ALG14: variants seen among roughly 807,000 people sequenced by gnomAD.
ALG14 encodes the protein UDP-N-acetylglucosamine transferase subunit ALG14.
ALG14 carries 17 observed loss-of-function variants against 22.8 expected under a neutral mutation model. That is an observed-to-expected ratio of 0.75 (90% confidence interval 0.51 to 1.12). The LOEUF (loss-of-function observed/expected upper bound fraction) is 1.12, where lower values mean the gene tolerates loss of function less well. Ranked by LOEUF, ALG14 falls within the 50% of genes most tolerant of loss-of-function variation. The pLI, the probability that ALG14 is intolerant of heterozygous loss-of-function variation, is 0.00. For synonymous variants in ALG14, 89 were observed against 103.7 expected (o/e 0.86, Z 0.86); for missense variants, 288 against 271.8 (o/e 1.06, Z -0.42).
chr1:94,989,526 C>A (rs965013732), intron 3 of ALG14, among the ~76,000 whole-genome samples: 1 of 152,104 alleles, frequency 6.6e-6, no homozygotes, highest in Admixed American at 6.5e-5. Context: ...TAGATCTGAC[C>A]AGGAGCTAGT....
chr1:94,984,373 A>C (rs1309517332), intron 3 of ALG14, among the ~76,000 whole-genome samples: 1 of 152,188 alleles, frequency 6.6e-6, no homozygotes, highest in Non-Finnish European at 1.5e-5. Flanking sequence ...CAGCATTTCA[A>C]GGACTCTCCC....
intron 3 of ALG14, among the ~76,000 whole-genome samples, chr1:94,985,322 G>A (rs1358896910): frequency 6.6e-6 from 1 of 152,174 alleles, no homozygotes; most frequent in Admixed American, 6.5e-5. Context: ...GGATATTTTA[G>A]TTATGGGGGC....
rs1304442833 is a variant in ALG14, at chr1:94,979,261, C to T, written c.*3815G>A. On this transcript the variant is annotated 3_prime_UTR_variant, in exon 4 of 4. Coordinates refer to ENST00000370205, the MANE Select transcript of ALG14 (RefSeq NM_144988.4). The stretch of plus-strand genomic sequence containing the variant: ...AAGGTGAGATTGCACCACTGCACTC[C>T]AGCCTGGGCGATGGAGCGAGACTGT... The T allele has an allele frequency of 7.4e-6, 1 of 135,674 alleles. No individual in the cohort carries two copies. The highest frequency in any genetic ancestry group is 1.5e-5 in the Non-Finnish European group (1 of 65,862). The allele number at this position is 135,674 out of a possible 1,614,324, so 8.4% of individuals were successfully genotyped here.
At chr1:94,995,439 G>C (rs12037458) in intron 3 of ALG14, among the ~76,000 whole-genome samples, 1 of 152,216 alleles carries the variant, frequency 6.6e-6, no homozygotes, top group Non-Finnish European at 1.5e-5. Context: ...TGGGCAAGGC[G>C]CAGTGGCTCA....
intron 2 of ALG14, among the ~76,000 whole-genome samples, chr1:95,061,068 C>T (rs1050134329): frequency 3.9e-5 from 6 of 152,208 alleles, no homozygotes; most frequent in African/African-American, 1.4e-4. Context: ...GAAGGCCAAG[C>T]ATTGCTGGCC....
chr1:95,027,324 C>T, intron 2 of ALG14, 64 bp from the exon 3 acceptor site: 1 of 1,549,960 alleles, frequency 6.5e-7, no homozygotes, highest in Non-Finnish European at 8.9e-7. Flanking sequence ...AACATAGTAA[C>T]AATTAACAGC....
intron 1 of ALG14, among the ~76,000 whole-genome samples, chr1:95,068,610 A>G (rs758673976): frequency 6.6e-6 from 1 of 152,188 alleles, no homozygotes; most frequent in African/African-American, 2.4e-5. Flanking sequence ...ATTTTATGAT[A>G]TCTAAAGAGT....
rs199689080 is a variant in ALG14 at position 95,027,223 on chromosome 1, C to A, written c.326G>T (p.Arg109Leu). The change falls in exon 3 of 4, where the codon CGG becomes CTG. Residue 109 changes from arginine (R) to leucine (L), a missense_variant. By Grantham distance (102) the Arg-to-Leu change is moderately radical. Transcript: ENST00000370205. Reference protein sequence around the residue: ...KYYIHRIPRSREVQQSWPSTV... With the variant: ...KYYIHRIPRSLEVQQSWPSTV... ...GGAGGGCCAGGACTGCTGAACCTCC[C>A]GGCTTCTTGGAATTCGGTGAATGTA... 1.2e-6 allele frequency: 2 copies of A among 1,614,100 alleles called. No homozygotes were observed. The highest frequency in any genetic ancestry group is 8.5e-7 in the Non-Finnish European group (1 of 1,179,994).
chr1:95,000,184 G>T (rs984054821), intron 3 of ALG14, among the ~76,000 whole-genome samples: 9 of 152,106 alleles, frequency 5.9e-5, no homozygotes, highest in Admixed American at 3.9e-4. Context: ...TACGGTAATA[G>T]AGAAGCTGCA....
Position 94,981,724 on chromosome 1 carries a change from T to G in ALG14, c.*1352A>C, listed in dbSNP as rs574580939. ...GCTGCTTTGTTAAAGAAGCAGAGGT[T>G]AGAGGGAAGGAAATGGAATTCCTGT... On this transcript the variant is annotated 3_prime_UTR_variant, in exon 4 of 4. Transcript: ENST00000370205. 7 of 150,770 alleles carry G rather than the reference T, an allele frequency of 4.6e-5. No individual in the cohort carries two copies. The highest frequency in any genetic ancestry group is 1.7e-4 in the African/African-American group (7 of 41,042). The allele number at this position is 150,770 out of a possible 1,614,324, so 9.3% of individuals were successfully genotyped here. A position where few individuals can be genotyped will look rare whatever the true frequency, so the allele number is the denominator to read the frequency against.
intron 2 of ALG14, among the ~76,000 whole-genome samples, chr1:95,046,763 T>C (rs1451092488): frequency 6.6e-6 from 1 of 152,174 alleles, no homozygotes; most frequent in African/African-American, 2.4e-5. Flanking sequence ...CTGAAAATGA[T>C]AGGAAATGGT....
chr1:95,027,790 A>G (rs1415882240), intron 2 of ALG14, among the ~76,000 whole-genome samples: 1 of 152,234 alleles, frequency 6.6e-6, no homozygotes, highest in Non-Finnish European at 1.5e-5. Flanking sequence ...GGGTAAATAC[A>G]TGGGTACAAC....
At chr1:94,986,827 C>T (rs1672657758) in intron 3 of ALG14, among the ~76,000 whole-genome samples, 3 of 150,576 alleles carry the variant, frequency 2.0e-5, no homozygotes, top group Admixed American at 6.6e-5. Context: ...CGGGAACGAA[C>T]CACTGTATCC....
intron 3 of ALG14, among the ~76,000 whole-genome samples, chr1:95,000,535 TAAAAAAAAAAA>T (rs71588535): frequency 2.8e-5 from 2 of 70,618 alleles, no homozygotes; most frequent in African/African-American, 1.1e-4. Flanking sequence ...GACCCTGTCC[TAAAAAAAAAAA>T]AAAAAAAAAA....
intron 2 of ALG14, among the ~76,000 whole-genome samples, chr1:95,047,016 C>CATAACATAACATAAG (rs1553162985): frequency 5.3e-4 from 77 of 146,136 alleles, no homozygotes; most frequent in African/African-American, 1.7e-3. Context: ...CATAACATAA[C>CATAACATAACATAAG]ATAACATAAC....
intron 2 of ALG14, among the ~76,000 whole-genome samples, chr1:95,054,964 A>T (rs948238518): frequency 1.3e-5 from 2 of 152,234 alleles, no homozygotes; most frequent in Non-Finnish European, 2.9e-5. Flanking sequence ...AACACACCAT[A>T]AACAAACTGA....
chr1:95,002,297 A>G (rs1021879492), intron 3 of ALG14, among the ~76,000 whole-genome samples: 2 of 152,066 alleles, frequency 1.3e-5, no homozygotes, highest in Non-Finnish European at 2.9e-5. Context: ...CCCCAGCAGC[A>G]GCATGGAACA....
At chr1:95,057,850 C>G (rs1450128678) in intron 2 of ALG14, among the ~76,000 whole-genome samples, 1 of 151,722 alleles carries the variant, frequency 6.6e-6, no homozygotes, top group Non-Finnish European at 1.5e-5. Context: ...GAGAATCAAA[C>G]TAGGATCAAA....
Position 94,982,814 on chromosome 1 carries a change from G to C in ALG14, c.*262C>G, listed in dbSNP as rs1672530295. 1 of 333,532 alleles carries C rather than the reference G, an allele frequency of 3.0e-6. No individual in the cohort carries two copies. Among genetic ancestry groups the C allele is most frequent in the Non-Finnish European group, 5.5e-6 (1 of 183,352 alleles). 20.7% of individuals were successfully genotyped at this position (333,532 alleles called of 1,614,324 possible). On this transcript the variant is annotated 3_prime_UTR_variant, in exon 4 of 4. Transcript: ENST00000370205. ...TAAAACAGCCAGAAGAAAATTTGCA[G>C]GTAGTAATACATATTTTTATCTAGA...
Sources: allele counts gnomAD v4.1 joint callset (sites outside exome capture counted in the v4.1 genomes callset), GRCh38; gene constraint gnomAD v4.1.1; transcripts MANE v1.5; gene names NCBI Gene and HGNC (gene_info 2026-07-23, HGNC 2026-07-21).